Variants in PLD5 observed in about 807,000 individuals in gnomAD.
The protein encoded by PLD5 is inactive phospholipase D5.
Under a neutral mutation model 61.1 loss-of-function variants are expected in PLD5, and 36 were observed. That is an observed-to-expected ratio of 0.59 (90% CI 0.45 to 0.78). The LOEUF (loss-of-function observed/expected upper bound fraction) is 0.78. PLD5 is among the 30% of genes least tolerant of loss of function. The pLI, the probability that PLD5 is intolerant of heterozygous loss-of-function variation, is 0.00. For synonymous variants in PLD5, 243 were observed against 242.8 expected (o/e 1.00, Z -0.01); for missense variants, 515 against 644.4 (o/e 0.80, Z 2.17).
chr1:242,278,837 G>A (rs1226793152), intron 3 of PLD5, among the ~76,000 whole-genome samples: 14 of 152,196 alleles, frequency 9.2e-5, no homozygotes, highest in Non-Finnish European at 1.6e-4. Flanking sequence ...TAAAATGGGA[G>A]GATGCTAATT....
chr1:242,353,082 C>T (rs763653037), intron 1 of PLD5, among the ~76,000 whole-genome samples: 1 of 152,144 alleles, frequency 6.6e-6, no homozygotes, highest in Non-Finnish European at 1.5e-5. Flanking sequence ...CCTGTGCTTT[C>T]GAGGTGAAAT....
chr1:242,432,962 C>T (rs897985017), intron 1 of PLD5, among the ~76,000 whole-genome samples: 2 of 152,144 alleles, frequency 1.3e-5, no homozygotes, highest in Admixed American at 6.5e-5. Flanking sequence ...GTGCCTCTCT[C>T]GTTCCCATGT....
chr1:242,196,983 C>T (rs1668675007), intron 5 of PLD5, among the ~76,000 whole-genome samples: 2 of 152,110 alleles, frequency 1.3e-5, no homozygotes, highest in Admixed American at 6.5e-5. Context: ...AGGCTGGACT[C>T]GAACTCCTGG....
intron 5 of PLD5, among the ~76,000 whole-genome samples, chr1:242,178,554 G>C (rs1399299856): frequency 1.3e-5 from 2 of 152,188 alleles, no homozygotes; most frequent in Non-Finnish European, 2.9e-5. Flanking sequence ...TCAAAGCATA[G>C]GTTTTCAGGA....
intron 1 of PLD5, among the ~76,000 whole-genome samples, chr1:242,518,785 C>T (rs545948123): frequency 6.6e-6 from 1 of 152,230 alleles, no homozygotes; most frequent in South Asian, 2.1e-4. Flanking sequence ...TAAAATAAGT[C>T]AAGCCACACC....
intron 3 of PLD5, among the ~76,000 whole-genome samples, chr1:242,272,382 T>C (rs967647401): frequency 2.0e-5 from 3 of 152,174 alleles, no homozygotes; most frequent in Non-Finnish European, 4.4e-5. Context: ...TTATATATTA[T>C]CAATAAACTT....
rs759172020 is a variant in PLD5, at chr1:242,124,489, G to A, written c.912C>T (p.Thr304=). The change falls in exon 6 of 10, where the codon ACC becomes ACT. Residue 304 remains threonine (T), a synonymous_variant. Transcript: ENST00000536534. The part of the protein sequence containing the change: ...EKKLQLQLNE[T]KSQAFVSNSP... The stretch of plus-strand genomic sequence containing the variant: ...TCACCGATACAAATGCTTGAGATTT[G>A]GTTTCATTCAACTGAAGTTGCAATT... 20 of 1,613,788 alleles carry A rather than the reference G, an allele frequency of 1.2e-5. No individual in the cohort carries two copies. The highest frequency in any genetic ancestry group is 5.0e-5 in the Admixed American group (3 of 59,968).
In PLD5 at chr1:242,324,440, G is replaced by A. The variant is rs201648199; in HGVS notation, c.326+23666C>T. Among the ~76,000 whole-genome samples the A allele has an allele frequency of 1.3e-3, 195 of 151,956 alleles. 2 individuals carry two copies. The highest frequency in any genetic ancestry group is 4.1e-3 in the East Asian group (21 of 5,128). ...TCACCTTTGCAAAAATTGTGACAGC[G>A]AAAGAAATATGACCTAACCGACTCT... is the stretch of plus-strand genomic sequence containing the variant. On this transcript the variant is annotated intron_variant, in intron 2 of 9. Coordinates refer to ENST00000536534, the MANE Select transcript of PLD5 (RefSeq NM_001372062.1).
At chr1:242,426,955 C>G (rs999571696) in intron 1 of PLD5, among the ~76,000 whole-genome samples, 3 of 152,104 alleles carry the variant, frequency 2.0e-5, no homozygotes, top group African/African-American at 7.2e-5. Context: ...TTTACCCATC[C>G]ACAGATTGGC....
intron 1 of PLD5, among the ~76,000 whole-genome samples, chr1:242,410,042 C>T (rs1161696579): frequency 6.6e-6 from 1 of 152,106 alleles, no homozygotes; most frequent in Non-Finnish European, 1.5e-5. Flanking sequence ...CTCTAGCTGC[C>T]TAAAATAATG....
chr1:242,429,678 A>G (rs985701613), intron 1 of PLD5, among the ~76,000 whole-genome samples: 1 of 152,224 alleles, frequency 6.6e-6, no homozygotes, highest in African/African-American at 2.4e-5. Context: ...GTACATTCCC[A>G]GTGGCATCTA....
intron 1 of PLD5, among the ~76,000 whole-genome samples, chr1:242,473,034 GAAGAA>G (rs1475328361): frequency 1.3e-5 from 2 of 152,154 alleles, no homozygotes; most frequent in African/African-American, 4.8e-5. Flanking sequence ...AAAAGAGACA[GAAGAA>G]AATATAAAGA....
rs182157114 is a variant in PLD5, at chr1:242,198,452, T to G, written c.735+21536A>C. Among the ~76,000 whole-genome samples, 263 of 60,468 alleles carry G rather than the reference T, an allele frequency of 4.3e-3. 4 individuals are homozygous for G. The highest frequency in any genetic ancestry group is 0.039 in the African/African-American group (222 of 5,720). 39.7% of individuals were successfully genotyped at this position (60,468 alleles called of 152,430 possible). On this transcript the variant is annotated intron_variant, in intron 5 of 9. Coordinates refer to ENST00000536534, the MANE Select transcript of PLD5 (RefSeq NM_001372062.1). ...TGACCAGTCCTTCCAACTGAAATTG[T>G]TTTTTTTTATTTGCTATAAAAACTG...
At chr1:242,441,563 T>C (rs1666275961) in intron 1 of PLD5, among the ~76,000 whole-genome samples, 2 of 152,224 alleles carry the variant, frequency 1.3e-5, no homozygotes, top group Admixed American at 1.3e-4. Context: ...TTATCAGCCC[T>C]TTTTCATCTT....
chr1:242,367,368 T>G (rs75358701), intron 1 of PLD5, among the ~76,000 whole-genome samples: 3,243 of 152,294 alleles, frequency 0.021, 53 homozygotes, highest in East Asian at 0.033. Flanking sequence ...CTGGAATGAC[T>G]GGCACAATGA....
chr1:242,124,534 T>C lies in PLD5; in HGVS notation c.867A>G (p.Gly289=). The C allele has an allele frequency of 6.2e-7, 1 of 1,614,156 alleles. No individual in the cohort carries two copies. Among genetic ancestry groups the C allele is most frequent in the Non-Finnish European group, 8.5e-7 (1 of 1,180,002 alleles). ...GCAATTTCTTTTCATTGTCATAGAC[T>C]CCATAGAGTCTTTTGGACCAGGTTT... ...VPQTWSKRLY[G]VYDNEKKLQL... The change falls in exon 6 of 10, where the codon GGA becomes GGG. Residue 289 remains glycine, a synonymous_variant. Coordinates refer to ENST00000536534, the MANE Select transcript of PLD5 (RefSeq NM_001372062.1).
chr1:242,302,021 T>C (rs1676079060), intron 2 of PLD5, among the ~76,000 whole-genome samples: 1 of 152,180 alleles, frequency 6.6e-6, no homozygotes, highest in Admixed American at 6.5e-5. Context: ...CCTCAGGTGA[T>C]CCGCCCACCT....
chr1:242,267,202 G>T (rs1191822421), intron 3 of PLD5, among the ~76,000 whole-genome samples: 1 of 108,066 alleles, frequency 9.3e-6, no homozygotes, highest in East Asian at 1.2e-3. Flanking sequence ...AAAAGGAAAG[G>T]GAAAGGGAAA....
intron 1 of PLD5, among the ~76,000 whole-genome samples, chr1:242,351,105 T>C (rs1256028802): frequency 1.3e-5 from 2 of 152,092 alleles, no homozygotes; most frequent in Non-Finnish European, 2.9e-5. Context: ...TTCTCCATGT[T>C]GGTCAGGCTA....
Sources: allele counts gnomAD v4.1 joint callset (sites outside exome capture counted in the v4.1 genomes callset), GRCh38; gene constraint gnomAD v4.1.1; transcripts MANE v1.5; gene names NCBI Gene and HGNC (gene_info 2026-07-23, HGNC 2026-07-21).